The following ZFAT variants were observed in gnomAD, a reference collection of about 807,000 sequenced individuals.
The protein encoded by ZFAT is zinc finger protein ZFAT.
A neutral mutation model predicts 117.7 loss-of-function variants in ZFAT; 64 were observed. That is an observed-to-expected ratio of 0.54 (90% CI 0.44 to 0.67). ZFAT has a LOEUF of 0.67. Ranked by LOEUF, ZFAT falls within the 30% of genes least tolerant of loss-of-function variation. The pLI, the probability that ZFAT is intolerant of heterozygous loss-of-function variation, is 0.00. For missense variants in ZFAT, 1,433 were observed against 1,584.5 expected, an observed-to-expected ratio of 0.90 and a Z score of 1.62; for synonymous variants, 679 against 615.0, an observed-to-expected ratio of 1.10 and a Z score of -1.54.
chr8:134,807,387 A>T, the ZFAT span, among the ~76,000 whole-genome samples: 131 of 152,358 alleles, frequency 8.6e-4, no homozygotes, highest in African/African-American at 3.1e-3. Context: ...AGAATACATA[A>T]GAAAACAATT....
chr8:134,480,856 C>T (rs1241841305), intron 15 of ZFAT, among the ~76,000 whole-genome samples: 1 of 152,190 alleles, frequency 6.6e-6, no homozygotes, highest in Non-Finnish European at 1.5e-5. Flanking sequence ...CTCATCCTGA[C>T]CCTGTGATTA....
At chr8:134,714,631 T>A (rs970621378), upstream of ZFAT, among the ~76,000 whole-genome samples, 1 of 152,212 alleles carries the variant, frequency 6.6e-6, no homozygotes, top group Non-Finnish European at 1.5e-5. Flanking sequence ...CTCACAGATA[T>A]AGCCTCCCCC....
At chr8:134,568,589 C>A (rs1824650350) in intron 10 of ZFAT, among the ~76,000 whole-genome samples, 1 of 152,162 alleles carries the variant, frequency 6.6e-6, no homozygotes, top group Admixed American at 6.5e-5. Context: ...AAAAAAGAGT[C>A]CTAAAATGAA....
the ZFAT span, among the ~76,000 whole-genome samples, chr8:134,760,289 C>CAAA: frequency 2.5e-4 from 29 of 116,650 alleles, no homozygotes; most frequent in Middle Eastern, 4.5e-3. Context: ...AAAAAAAAAA[C>CAAA]AAACAAAAAA....
chr8:134,477,903 C>T lies in ZFAT; in HGVS notation c.*579G>A. On this transcript the variant is annotated 3_prime_UTR_variant, in exon 16 of 16. Transcript: ENST00000377838. ...TAATTCCAGGATGGTAGGGCGAGAC[C>T]CTGTGATGGGTGAATTTACCTCACT... 6.5e-6 allele frequency: 1 copy of T among 153,552 alleles called. No individual in the cohort carries two copies. Among genetic ancestry groups the T allele is most frequent in the Non-Finnish European group, 1.5e-5 (1 of 68,952 alleles). 9.5% of individuals were successfully genotyped at this position (153,552 alleles called of 1,614,324 possible). A position where few individuals can be genotyped will look rare whatever the true frequency, so the allele number is the denominator to read the frequency against.
chr8:134,573,972 C>T (rs939676618), intron 10 of ZFAT, among the ~76,000 whole-genome samples: 1 of 152,244 alleles, frequency 6.6e-6, no homozygotes, highest in Non-Finnish European at 1.5e-5. Flanking sequence ...AAACATTACC[C>T]ACGTTGTCCT....
intron 15 of ZFAT, among the ~76,000 whole-genome samples, chr8:134,496,126 T>C (rs1243122719): frequency 6.6e-6 from 1 of 152,146 alleles, no homozygotes; most frequent in Non-Finnish European, 1.5e-5. Flanking sequence ...TAAGATTTAT[T>C]GACTCAGCCA....
chr8:134,724,229 G>T, the ZFAT span, among the ~76,000 whole-genome samples: 2 of 152,318 alleles, frequency 1.3e-5, no homozygotes, highest in African/African-American at 4.8e-5. Context: ...CAGCTGCCCT[G>T]TAAATTATTG....
chr8:134,604,939 C>CATTA (rs1827770730), intron 5 of ZFAT, among the ~76,000 whole-genome samples: 1 of 152,224 alleles, frequency 6.6e-6, no homozygotes, highest in African/African-American at 2.4e-5. Context: ...GGATTCATAA[C>CATTA]ATTAATTAAA....
chr8:134,802,338 C>A, the ZFAT span, among the ~76,000 whole-genome samples: 1 of 152,066 alleles, frequency 6.6e-6, no homozygotes, highest in East Asian at 1.9e-4. Flanking sequence ...GCACATTGAT[C>A]CAATGAATAA....
At chr8:134,753,265 G>A in the ZFAT span, among the ~76,000 whole-genome samples, 2 of 62,574 alleles carry the variant, frequency 3.2e-5, no homozygotes, top group Admixed American at 2.9e-4. Context: ...ATCTATTTTG[G>A]GGGGGCAGAG....
the ZFAT span, among the ~76,000 whole-genome samples, chr8:134,755,647 A>G: frequency 6.6e-6 from 1 of 151,566 alleles, no homozygotes; most frequent in African/African-American, 2.4e-5. Flanking sequence ...CCATGTCTCT[A>G]CAAAAAATAC....
chr8:134,684,731 CG>C (rs1196520873), intron 1 of ZFAT, among the ~76,000 whole-genome samples: 1 of 152,160 alleles, frequency 6.6e-6, no homozygotes, highest in East Asian at 1.9e-4. Context: ...ATTTAGATTA[CG>C]TGGGGAAAAG....
At chr8:134,595,223 ATACT>A (rs1464796257) in intron 7 of ZFAT, among the ~76,000 whole-genome samples, 3 of 152,372 alleles carry the variant, frequency 2.0e-5, no homozygotes, top group Admixed American at 1.3e-4. Context: ...TCTGAAAATA[ATACT>A]TACCCTTGGT....
chr8:134,534,256 T>C (rs939201103), intron 11 of ZFAT, among the ~76,000 whole-genome samples: 2 of 152,256 alleles, frequency 1.3e-5, no homozygotes, highest in Non-Finnish European at 2.9e-5. Context: ...GTGTTTCTTA[T>C]TGATTTTATC....
chr8:134,702,696 G>A (rs1013891196), intron 1 of ZFAT, among the ~76,000 whole-genome samples: 1 of 148,104 alleles, frequency 6.8e-6, no homozygotes, highest in African/African-American at 2.5e-5. Flanking sequence ...TTTTGAGACA[G>A]AGTCTCACGC....
At chr8:134,525,409 G>T (rs1307102885) in intron 12 of ZFAT, among the ~76,000 whole-genome samples, 6 of 152,190 alleles carry the variant, frequency 3.9e-5, no homozygotes, top group Non-Finnish European at 8.8e-5. Context: ...ATCTCAGGCT[G>T]CTATGTTTAT....
rs1490612322 is a variant in ZFAT at position 134,532,857 on chromosome 8, G to A, written c.3092C>T (p.Ala1031Val). ...EYANVGTGEL[A>V]AEVLIQQGGL... ...ACCTTGCTGGATGAGCACCTCCGCT[G>A]CCAGCTCCCCGGTGCCCACGTTGGC... The change falls in exon 12 of 16, where the codon GCA becomes GTA. Residue 1031 changes from alanine (A) to valine (V), a missense_variant. By Grantham distance (64) the Ala-to-Val change is moderately conservative. Transcript: ENST00000377838. 1 of 1,609,870 alleles carries A rather than the reference G, an allele frequency of 6.2e-7. No homozygotes were observed. The highest frequency in any genetic ancestry group is 8.5e-7 in the Non-Finnish European group (1 of 1,178,234).
the ZFAT span, among the ~76,000 whole-genome samples, chr8:134,816,980 CAAA>C: frequency 8.9e-5 from 6 of 67,236 alleles, no homozygotes; most frequent in Non-Finnish European, 6.3e-5. Flanking sequence ...GACTCCATCT[CAAA>C]AAAAAAAAAA....
Sources: allele counts gnomAD v4.1 joint callset (sites outside exome capture counted in the v4.1 genomes callset), GRCh38; gene constraint gnomAD v4.1.1; transcripts MANE v1.5; gene names NCBI Gene and HGNC (gene_info 2026-07-23, HGNC 2026-07-21).